The following KRT8 variants were observed in gnomAD, a reference collection of about 807,000 sequenced individuals.
KRT8 encodes keratin 8, also known as keratin, type II cytoskeletal 8.
In KRT8, 24 loss-of-function variants were observed where a neutral mutation model predicts 43.0. That is an observed-to-expected ratio of 0.56 (90% CI 0.40 to 0.78). The LOEUF (loss-of-function observed/expected upper bound fraction) is 0.78, where lower values mean the gene tolerates loss of function less well. KRT8 is among the 30% of genes least tolerant of loss of function. The pLI is 0.00. For missense variants in KRT8, 492 were observed against 638.4 expected (o/e 0.77, Z 2.47); for synonymous variants, 214 against 261.2 (o/e 0.82, Z 1.74).
chr12:52,919,350 T>G (rs1304199712), intron 2 of KRT8, among the ~76,000 whole-genome samples: 1 of 152,176 alleles, frequency 6.6e-6, no homozygotes, highest in African/African-American at 2.4e-5. Flanking sequence ...CACTGCAACC[T>G]TCGCTTCCCG....
chr12:52,898,563 T>A (rs773442947), intron 6 of KRT8, 44 bp from the exon 7 acceptor site: 2 of 1,612,898 alleles, frequency 1.2e-6, no homozygotes, highest in South Asian at 2.2e-5. Flanking sequence ...TCCTAGCCCT[T>A]CTTGGCCCAG....
upstream of KRT8, among the ~76,000 whole-genome samples, chr12:52,908,042 AAGG>A: frequency 6.6e-6 from 1 of 152,264 alleles, no homozygotes; most frequent in South Asian, 2.1e-4. Context: ...TGAACCAGGG[AAGG>A]AGGAGACACT....
exon 1 of KRT8, chr12:52,904,835 G>C: frequency 6.2e-7 from 1 of 1,612,524 alleles, no homozygotes; most frequent in Non-Finnish European, 8.5e-7. Context: ...CGCCGCCCAG[G>C]CCACCGCGAA....
chr12:52,917,699 ACT>A (rs1941768567), intron 2 of KRT8, among the ~76,000 whole-genome samples: 1 of 117,026 alleles, frequency 8.5e-6, no homozygotes, highest in African/African-American at 3.7e-5. Context: ...ATAGGGCGAG[ACT>A]CTGTCTCAAA....
chr12:52,904,871 G>A (rs11554498), exon 1 of KRT8: 1 of 1,612,798 alleles, frequency 6.2e-7, no homozygotes, highest in Admixed American at 1.7e-5. Flanking sequence ...CTCGGGAGAA[G>A]CTCGAGGAGC....
chr12:52,918,530 T>A (rs1941824034), intron 2 of KRT8, among the ~76,000 whole-genome samples: 1 of 152,174 alleles, frequency 6.6e-6, no homozygotes, highest in Non-Finnish European at 1.5e-5. Flanking sequence ...AGCCTGCCCA[T>A]GCATGTTCTG....
At chr12:52,918,218 A>AAGG (rs1565725787) in intron 2 of KRT8, among the ~76,000 whole-genome samples, 25 of 134,796 alleles carry the variant, frequency 1.9e-4, no homozygotes, top group Non-Finnish European at 2.6e-4. Context: ...GAAGAAGAAG[A>AAGG]AGAAGAAGAA....
At position 52,917,339 on chromosome 12, in the gene KRT8, T is replaced by C. The variant is rs542523789; in HGVS notation, c.-46-12312A>G. 6.8e-5 allele frequency among the ~76,000 whole-genome samples: 10 copies of C among 147,006 alleles called. No individual in the cohort carries two copies. The South Asian group carries it at 2.0e-3, about 29-fold the overall frequency. On this transcript the variant is annotated intron_variant, in intron 2 of 6. Coordinates refer to the KRT8 transcript ENST00000546826. ...ATTGCTTGAACCCAGGAGGTGGAGG[T>C]TGCAGTGAGCCAAGATCACACCATC...
intron 2 of KRT8, among the ~76,000 whole-genome samples, chr12:52,934,893 C>T (rs1352076396): frequency 2.6e-5 from 4 of 151,768 alleles, no homozygotes; most frequent in African/African-American, 9.7e-5. Flanking sequence ...CGCTTGAACC[C>T]GGGAGGCAGA....
chr12:52,926,608 G>T, intron 2 of KRT8: 1 of 650,772 alleles, frequency 1.5e-6, no homozygotes, highest in Non-Finnish European at 2.7e-6. Flanking sequence ...GCATGTCTGA[G>T]CTCCCCTCCC....
intron 2 of KRT8, among the ~76,000 whole-genome samples, chr12:52,912,647 G>C (rs896093753): frequency 6.6e-6 from 1 of 152,230 alleles, no homozygotes; most frequent in African/African-American, 2.4e-5. Context: ...ACGTGGGCAG[G>C]GGATGGTCCT....
chr12:52,948,970 G>C (rs1243124759), intron 2 of KRT8: 3 of 469,886 alleles, frequency 6.4e-6, no homozygotes, highest in Non-Finnish European at 1.1e-5. Flanking sequence ...TGCGCGGAGG[G>C]CGCGGGGGTG....
At chr12:52,938,172 T>TATATATATATATATA (rs1565733045) in intron 2 of KRT8, among the ~76,000 whole-genome samples, 7 of 22,398 alleles carry the variant, frequency 3.1e-4, no homozygotes, top group African/African-American at 1.2e-3. Context: ...ATATATATAT[T>TATATATATATATATA]TTTTTTTTTT....
chr12:52,918,184 GAAGAAGAAGAAGAAGAAGAAC>G lies in KRT8; in HGVS notation c.-46-13178_-46-13158del, dbSNP rs778409115. 2.1e-3 allele frequency among the ~76,000 whole-genome samples: 230 copies of G among 110,220 alleles called. 11 individuals carry two copies. Among genetic ancestry groups the G allele is most frequent in the African/African-American group, 5.9e-3 (149 of 25,382 alleles). 72.3% of individuals were successfully genotyped at this position (110,220 alleles called of 152,430 possible). ...AGAAGAAGAAGAAGAGGAAGAGGAA[GAAGAAGAAGAAGAAGAAGAAC>G]AAGAAGAAGAAGAAGAAGAAGAAGA... On this transcript the variant is annotated intron_variant, in intron 2 of 6. Transcript: ENST00000546826.
At chr12:52,931,657 C>CAT (rs34460731) in intron 2 of KRT8, among the ~76,000 whole-genome samples, 40,626 of 146,872 alleles carry the variant, frequency 0.28, 5,674 homozygotes, top group Middle Eastern at 0.36. Context: ...ATTGGCTCCC[C>CAT]ATATATATAT....
upstream of KRT8, chr12:52,905,104 C>G (rs1031344947): frequency 2.7e-6 from 4 of 1,455,914 alleles, no homozygotes; most frequent in Admixed American, 7.4e-5. Context: ...ATCCCAGCCC[C>G]GGGGGATGGG....
At chr12:52,940,850 A>G (rs1942256582) in intron 2 of KRT8, among the ~76,000 whole-genome samples, 1 of 151,590 alleles carries the variant, frequency 6.6e-6, no homozygotes, top group African/African-American at 2.4e-5. Flanking sequence ...TTGGTCTTGA[A>G]CTTCTGAACT....
At chr12:52,926,482 T>A (rs755049217) in intron 2 of KRT8, 1 of 1,535,236 alleles carries the variant, frequency 6.5e-7, no homozygotes, top group South Asian at 1.2e-5. Context: ...AAATCATGCA[T>A]CAGGCACCTC....
intron 2 of KRT8, among the ~76,000 whole-genome samples, chr12:52,929,840 A>T (rs867543641): frequency 1.2e-4 from 18 of 152,286 alleles, no homozygotes; most frequent in Middle Eastern, 3.4e-3. Context: ...GATGAATCCC[A>T]GATCAACATC....
Sources: gnomAD v4.1 joint callset for allele counts (sites outside exome capture counted in the v4.1 genomes callset) on GRCh38, gnomAD v4.1.1 for gene constraint, MANE v1.5 for transcripts, NCBI Gene and HGNC (gene_info 2026-07-23, HGNC 2026-07-21) for gene names.